SETBP1: variants seen among roughly 807,000 people sequenced by gnomAD.
SETBP1 encodes SET-binding protein.
A neutral mutation model predicts 101.0 loss-of-function variants in SETBP1; 9 were observed. That is an observed-to-expected ratio of 0.09 (90% confidence interval 0.05 to 0.16). The LOEUF is 0.16. Among genes scored for constraint, SETBP1 ranks in the 10% least tolerant of loss-of-function variants. The pLI is 1.00. For missense variants in SETBP1, 1,858 were observed against 2,033.8 expected (o/e 0.91, Z 1.66); for synonymous variants, 818 against 788.5 (o/e 1.04, Z -0.63).
intron 2 of SETBP1, among the ~76,000 whole-genome samples, chr18:44,752,566 C>T (rs1406704814): frequency 6.6e-6 from 1 of 152,166 alleles, no homozygotes; most frequent in Non-Finnish European, 1.5e-5. Flanking sequence ...ATTGCTGTCT[C>T]TATGTCATCT....
intron 2 of SETBP1, among the ~76,000 whole-genome samples, chr18:44,861,182 A>T (rs139367232): frequency 6.4e-4 from 95 of 149,460 alleles, no homozygotes; most frequent in Middle Eastern, 3.5e-3. Flanking sequence ...AGGGCTTCTT[A>T]GCGCACAGTT....
intron 3 of SETBP1, among the ~76,000 whole-genome samples, chr18:44,930,625 G>T (rs949183809): frequency 6.6e-6 from 1 of 152,130 alleles, no homozygotes; most frequent in African/African-American, 2.4e-5. Flanking sequence ...CCTGTTATTG[G>T]TCTATTCAGG....
chr18:44,753,547 C>T (rs1261221123), intron 2 of SETBP1, among the ~76,000 whole-genome samples: 1 of 152,234 alleles, frequency 6.6e-6, no homozygotes, highest in Non-Finnish European at 1.5e-5. Context: ...TAGGCCATTG[C>T]TTCAGTCTCC....
rs774004574 is a variant in SETBP1, at chr18:44,952,370, T to A, written c.3030T>A (p.Thr1010=). The change falls in exon 4 of 6, where the codon ACT becomes ACA. Residue 1010 remains threonine (T), a synonymous_variant. Coordinates refer to ENST00000649279, the MANE Select transcript of SETBP1 (RefSeq NM_015559.3). ...QYDPLLYLRR[T]SDLKSKKKRG... ...ACCCGTTGCTCTATCTTCGTAGGAC[T>A]TCAGACTTGAAGTCAAAGAAGAAGC... 1.2e-5 allele frequency: 20 copies of A among 1,614,144 alleles called. No individual in the cohort carries two copies. The South Asian group carries it at 2.0e-4, about 16-fold the overall frequency.
At chr18:44,939,620 A>G (rs1314026137) in intron 3 of SETBP1, among the ~76,000 whole-genome samples, 1 of 152,346 alleles carries the variant, frequency 6.6e-6, no homozygotes, top group East Asian at 1.9e-4. Context: ...ACTTTAAAAG[A>G]CATGCTGAGA....
At chr18:45,043,164 G>A (rs1433911131) in intron 5 of SETBP1, among the ~76,000 whole-genome samples, 2 of 152,134 alleles carry the variant, frequency 1.3e-5, no homozygotes, top group Non-Finnish European at 2.9e-5. Flanking sequence ...ATCACGTAAT[G>A]TATAGAGAAA....
At chr18:45,059,022 C>G (rs952130772) in intron 5 of SETBP1, among the ~76,000 whole-genome samples, 1 of 152,160 alleles carries the variant, frequency 6.6e-6, no homozygotes, top group African/African-American at 2.4e-5. Flanking sequence ...AGAGCACTGT[C>G]CAGCCCTAAG....
intron 2 of SETBP1, among the ~76,000 whole-genome samples, chr18:44,836,746 G>A (rs1410772497): frequency 3.9e-5 from 6 of 152,202 alleles, no homozygotes; most frequent in African/African-American, 1.4e-4. Flanking sequence ...GAGGACTGGG[G>A]CAGTATGGGA....
chr18:44,707,749 G>T (rs1172665121), intron 2 of SETBP1, among the ~76,000 whole-genome samples: 1 of 152,218 alleles, frequency 6.6e-6, no homozygotes, highest in Non-Finnish European at 1.5e-5. Flanking sequence ...AGATTGCAGA[G>T]AGCAATGAAT....
At chr18:44,929,276 T>C (rs555613026) in intron 3 of SETBP1, among the ~76,000 whole-genome samples, 92 of 152,330 alleles carry the variant, frequency 6.0e-4, no homozygotes, top group Middle Eastern at 6.8e-3. Flanking sequence ...AGGGCTCTAC[T>C]CTGTTCCATT....
At chr18:44,718,120 A>G (rs1382282662) in intron 2 of SETBP1, among the ~76,000 whole-genome samples, 2 of 152,254 alleles carry the variant, frequency 1.3e-5, no homozygotes, top group African/African-American at 4.8e-5. Context: ...ATTTTTGAAT[A>G]TAATCCAGAT....
At chr18:44,991,428 G>T (rs1174810880) in intron 4 of SETBP1, among the ~76,000 whole-genome samples, 1 of 151,874 alleles carries the variant, frequency 6.6e-6, no homozygotes, top group Non-Finnish European at 1.5e-5. Flanking sequence ...GGAAATATAT[G>T]ACTGAAAAGG....
intron 2 of SETBP1, among the ~76,000 whole-genome samples, chr18:44,851,671 C>CT (rs895383810): frequency 8.6e-5 from 13 of 151,508 alleles, no homozygotes; most frequent in East Asian, 1.9e-4. Flanking sequence ...ACATAATATG[C>CT]TTTTTTTTTC....
chr18:44,823,437 C>A (rs1051794370), intron 2 of SETBP1, among the ~76,000 whole-genome samples: 6 of 152,192 alleles, frequency 3.9e-5, no homozygotes, highest in Admixed American at 3.9e-4. Context: ...TTTCAGAAAG[C>A]AAATAAATGA....
At chr18:44,861,398 C>T (rs1008343233) in intron 2 of SETBP1, among the ~76,000 whole-genome samples, 1 of 151,562 alleles carries the variant, frequency 6.6e-6, no homozygotes, top group African/African-American at 2.4e-5. Context: ...GCCACTATGC[C>T]CAGCTAATTT....
chr18:44,681,281 T>C (rs535586200), intron 1 of SETBP1, among the ~76,000 whole-genome samples: 1 of 152,306 alleles, frequency 6.6e-6, no homozygotes, highest in South Asian at 2.1e-4. Flanking sequence ...CCCTTCGGTA[T>C]CGATTTATTG....
At chr18:44,830,603 T>C (rs2072341600) in intron 2 of SETBP1, among the ~76,000 whole-genome samples, 1 of 152,204 alleles carries the variant, frequency 6.6e-6, no homozygotes, top group South Asian at 2.1e-4. Flanking sequence ...GATTGTGCAG[T>C]GCAAACTTTT....
intron 1 of SETBP1, among the ~76,000 whole-genome samples, chr18:44,691,456 A>G (rs141824805): frequency 1.3e-5 from 2 of 151,188 alleles, no homozygotes; most frequent in African/African-American, 4.9e-5. Context: ...CTCAACCTGC[A>G]AACTTGATTG....
At chr18:44,913,214 C>G (rs919353985) in intron 3 of SETBP1, among the ~76,000 whole-genome samples, 5 of 152,170 alleles carry the variant, frequency 3.3e-5, no homozygotes, top group Admixed American at 3.3e-4. Context: ...GCTTCCCATA[C>G]GCCCACAGAA....
Sources: allele counts gnomAD v4.1 joint callset (sites outside exome capture counted in the v4.1 genomes callset), GRCh38; gene constraint gnomAD v4.1.1; transcripts MANE v1.5; gene names NCBI Gene and HGNC (gene_info 2026-07-23, HGNC 2026-07-21).